NBAS: variants seen among roughly 807,000 people sequenced by gnomAD.
NBAS encodes NBAS subunit of NRZ tethering complex.
Under a neutral mutation model 302.5 loss-of-function variants are expected in NBAS, and 219 were observed. That is an observed-to-expected ratio of 0.72 (90% CI 0.65 to 0.81). NBAS has a LOEUF of 0.81. Among genes scored for constraint, NBAS ranks in the 30% least tolerant of loss-of-function variants. The pLI, the probability that NBAS is intolerant of heterozygous loss-of-function variation, is 0.00. For synonymous variants in NBAS, 1,118 were observed against 1,021.6 expected, an observed-to-expected ratio of 1.09 and a Z score of -1.80; for missense variants, 2,932 against 2,841.6, an observed-to-expected ratio of 1.03 and a Z score of -0.72.
the NBAS span, among the ~76,000 whole-genome samples, chr2:14,784,097 T>C: frequency 6.6e-6 from 1 of 152,154 alleles, no homozygotes; most frequent in Non-Finnish European, 1.5e-5. Flanking sequence ...TTTCATGTGT[T>C]TTTTGGCTGC....
At chr2:15,121,205 C>T in the NBAS span, among the ~76,000 whole-genome samples, 19 of 152,274 alleles carry the variant, frequency 1.2e-4, no homozygotes, top group East Asian at 2.9e-3. Context: ...AAGACGGTGG[C>T]CTGCTTTGAC....
chr2:14,986,491 T>C, the NBAS span, among the ~76,000 whole-genome samples: 1 of 152,172 alleles, frequency 6.6e-6, no homozygotes, highest in Non-Finnish European at 1.5e-5. Flanking sequence ...TTTTCATATA[T>C]ATTACATTTC....
At chr2:14,842,852 A>C in the NBAS span, among the ~76,000 whole-genome samples, 1 of 150,798 alleles carries the variant, frequency 6.6e-6, no homozygotes, top group East Asian at 1.9e-4. Flanking sequence ...ATGACAAAAA[A>C]AAAAAAAAAA....
chr2:15,326,063 C>T (rs979614865), intron 38 of NBAS, among the ~76,000 whole-genome samples: 9 of 152,194 alleles, frequency 5.9e-5, no homozygotes, highest in African/African-American at 2.2e-4. Flanking sequence ...ATTAAGTTTA[C>T]ATCTTATATT....
intron 19 of NBAS, among the ~76,000 whole-genome samples, chr2:15,464,710 T>C (rs996539533): frequency 2.0e-5 from 3 of 152,232 alleles, no homozygotes; most frequent in African/African-American, 4.8e-5. Context: ...CCTTCACTTT[T>C]TGTTATTTCC....
chr2:15,274,438 G>A (rs1186287043), intron 44 of NBAS, among the ~76,000 whole-genome samples: 1 of 152,198 alleles, frequency 6.6e-6, no homozygotes, highest in African/African-American at 2.4e-5. Flanking sequence ...GATGGCAAGA[G>A]AGAAGATTAA....
the NBAS span, among the ~76,000 whole-genome samples, chr2:14,911,435 T>C: frequency 6.6e-6 from 1 of 152,200 alleles, no homozygotes; most frequent in Non-Finnish European, 1.5e-5. Context: ...GACGCTATTA[T>C]TCCTTACACC....
At chr2:14,853,458 T>G in the NBAS span, among the ~76,000 whole-genome samples, 4 of 97,196 alleles carry the variant, frequency 4.1e-5, 1 homozygote, top group Non-Finnish European at 7.9e-5. Context: ...ATAGGGACAC[T>G]TTTACACTGT....
the NBAS span, among the ~76,000 whole-genome samples, chr2:14,992,876 G>A: frequency 3.9e-5 from 6 of 152,270 alleles, no homozygotes; most frequent in East Asian, 3.9e-4. Flanking sequence ...TAAGGAGAGC[G>A]AAGCCACACA....
At chr2:15,275,364 TA>T in intron 44 of NBAS, 119 bp downstream of exon 44, 1 of 1,235,744 alleles carries the variant, frequency 8.1e-7, no homozygotes, top group Admixed American at 2.7e-5. Context: ...AAAAACTTTT[TA>T]AAAAGCCAAC....
At chr2:15,436,729 T>C (rs1678035910) in intron 21 of NBAS, among the ~76,000 whole-genome samples, 1 of 152,204 alleles carries the variant, frequency 6.6e-6, no homozygotes, top group African/African-American at 2.4e-5. Context: ...TTCTTCCATG[T>C]TATTAAACCT....
intron 44 of NBAS, among the ~76,000 whole-genome samples, chr2:15,257,401 T>C (rs1267866771): frequency 1.3e-5 from 1 of 74,666 alleles, no homozygotes; most frequent in Non-Finnish European, 3.2e-5. Context: ...ATTTAATTTC[T>C]TTTTTTTTTT....
the NBAS span, among the ~76,000 whole-genome samples, chr2:14,892,354 C>T: frequency 6.6e-6 from 1 of 152,262 alleles, no homozygotes; most frequent in South Asian, 2.1e-4. Flanking sequence ...CAACTTGAGA[C>T]CAAAGCATAA....
At chr2:15,106,439 A>ATCTCTG in the NBAS span, among the ~76,000 whole-genome samples, 139 of 100,318 alleles carry the variant, frequency 1.4e-3, no homozygotes, top group African/African-American at 4.6e-3. Context: ...CTGTGCCTCT[A>ATCTCTG]TCTCTGTCTC....
At chr2:15,164,257 G>A (rs771471000), downstream of NBAS, among the ~76,000 whole-genome samples, 3 of 152,236 alleles carry the variant, frequency 2.0e-5, no homozygotes, top group Admixed American at 6.5e-5. Flanking sequence ...ATAGAGCAGA[G>A]TGTGTCATTC....
chr2:15,105,897 T>A, the NBAS span, among the ~76,000 whole-genome samples: 2 of 152,168 alleles, frequency 1.3e-5, no homozygotes. Context: ...TTGTTTGGAA[T>A]ATAGGATGGC....
chr2:15,319,274 T>C (rs1671672340), intron 38 of NBAS, among the ~76,000 whole-genome samples: 2 of 152,124 alleles, frequency 1.3e-5, no homozygotes, highest in Admixed American at 1.3e-4. Context: ...TTTATAGCAC[T>C]AAATGCCCAC....
chr2:15,099,749 G>A, the NBAS span, among the ~76,000 whole-genome samples: 1 of 151,824 alleles, frequency 6.6e-6, no homozygotes, highest in Non-Finnish European at 1.5e-5. Context: ...ACCCTAAGCA[G>A]ACATACATTG....
chr2:14,978,003 G>A, the NBAS span, among the ~76,000 whole-genome samples: 3 of 152,062 alleles, frequency 2.0e-5, no homozygotes, highest in African/African-American at 7.2e-5. Context: ...AAAAACAAGT[G>A]GTTCTCTTCA....
Sources: gnomAD v4.1 joint callset for allele counts (sites outside exome capture counted in the v4.1 genomes callset) on GRCh38, gnomAD v4.1.1 for gene constraint, MANE v1.5 for transcripts, NCBI Gene and HGNC (gene_info 2026-07-23, HGNC 2026-07-21) for gene names.